KCNMA1: variants seen among roughly 807,000 people sequenced by gnomAD.
The protein encoded by KCNMA1 is Calcium-activated potassium channel subunit alpha-1.
A neutral mutation model predicts 140.0 loss-of-function variants in KCNMA1; 29 were observed. That is an observed-to-expected ratio of 0.21 (90% CI 0.15 to 0.28). The LOEUF (loss-of-function observed/expected upper bound fraction) is 0.28, where lower values mean the gene tolerates loss of function less well. Among genes scored for constraint, KCNMA1 ranks in the 10% least tolerant of loss-of-function variants. The probability of loss-of-function intolerance (pLI) is 1.00; values close to 1 mark genes in which losing one functional copy is unlikely to be tolerated. For missense variants in KCNMA1, 880 were observed against 1,602.2 expected (o/e 0.55, Z 7.70); for synonymous variants, 612 against 611.9 (o/e 1.00, Z 0.00).
chr10:77,396,520 T>C (rs924307164), intron 2 of KCNMA1, among the ~76,000 whole-genome samples: 6 of 152,208 alleles, frequency 3.9e-5, no homozygotes, highest in African/African-American at 1.4e-4. Flanking sequence ...CAGTCTAATT[T>C]CATGCGCAAA....
intron 3 of KCNMA1, among the ~76,000 whole-genome samples, chr10:77,208,280 T>A (rs996974643): frequency 2.0e-5 from 3 of 152,224 alleles, no homozygotes; most frequent in Non-Finnish European, 2.9e-5. Flanking sequence ...AGCACTACTC[T>A]ATTCTAGGGG....
chr10:77,597,750 C>G (rs1323654344), intron 1 of KCNMA1, among the ~76,000 whole-genome samples: 1 of 152,184 alleles, frequency 6.6e-6, no homozygotes, highest in Non-Finnish European at 1.5e-5. Context: ...GCCCCAGGGC[C>G]TTTGCACTTA....
At chr10:77,382,879 AAAAAAAATAT>A (rs1282644904) in intron 2 of KCNMA1, among the ~76,000 whole-genome samples, 1 of 113,328 alleles carries the variant, frequency 8.8e-6, no homozygotes, top group Admixed American at 9.2e-5. Flanking sequence ...AAAAAAAAAA[AAAAAAAATAT>A]ATATATATAT....
At position 77,084,557 on chromosome 10, in the gene KCNMA1, C is replaced by A. The variant is rs2096651518; in HGVS notation, c.1523+80G>T. On this transcript the variant is annotated intron_variant, in intron 12 of 27. Transcript: ENST00000286628. ...GGCAAAAAGGCCTCATAGAGATAGT[C>A]CTCTGCAGAAGATCCAAAAGGGCCG... 3.7e-6 allele frequency: 4 copies of A among 1,077,446 alleles called. No individual in the cohort carries two copies. In the Admixed American group the frequency reaches 7.2e-5, roughly 20 times the overall value. The allele number at this position is 1,077,446 out of a possible 1,614,324, so 66.7% of individuals were successfully genotyped here. A position where few individuals can be genotyped will look rare whatever the true frequency, so the allele number is the denominator to read the frequency against.
chr10:77,412,418 C>A (rs2096640146), intron 1 of KCNMA1, among the ~76,000 whole-genome samples: 1 of 152,212 alleles, frequency 6.6e-6, no homozygotes, highest in South Asian at 2.1e-4. Flanking sequence ...GACCCAGCAG[C>A]CCCACATGCT....
At chr10:77,136,701 G>C (rs1055877770) in intron 5 of KCNMA1, among the ~76,000 whole-genome samples, 1 of 152,058 alleles carries the variant, frequency 6.6e-6, no homozygotes, top group African/African-American at 2.4e-5. Context: ...ATAAAATGAT[G>C]ACAGTGGCCA....
chr10:77,588,352 A>G (rs1311444867), intron 1 of KCNMA1, among the ~76,000 whole-genome samples: 1 of 152,238 alleles, frequency 6.6e-6, no homozygotes, highest in East Asian at 1.9e-4. Flanking sequence ...GACAGAATGC[A>G]GAAAATTCTG....
chr10:77,328,857 T>C (rs2085218792), intron 2 of KCNMA1, among the ~76,000 whole-genome samples: 1 of 152,176 alleles, frequency 6.6e-6, no homozygotes, highest in South Asian at 2.1e-4. Flanking sequence ...TTTTGTTTTT[T>C]TAAGATGGAG....
At chr10:77,382,994 G>GTGTATATATATATATATA (rs1491457588) in intron 2 of KCNMA1, among the ~76,000 whole-genome samples, 5 of 46,434 alleles carry the variant, frequency 1.1e-4, no homozygotes, top group African/African-American at 4.8e-4. Context: ...GTGTGTGTGT[G>GTGTATATATATATATATA]TATATATATA....
At chr10:77,220,839 T>C (rs1304577975) in intron 3 of KCNMA1, among the ~76,000 whole-genome samples, 1 of 152,224 alleles carries the variant, frequency 6.6e-6, no homozygotes, top group African/African-American at 2.4e-5. Context: ...AAACCAGAGC[T>C]TCTGGGGTTC....
At chr10:77,478,771 T>A (rs1360123275) in intron 1 of KCNMA1, among the ~76,000 whole-genome samples, 2 of 152,146 alleles carry the variant, frequency 1.3e-5, no homozygotes, top group African/African-American at 2.4e-5. Context: ...GTAATGTACA[T>A]AACCCTGCAG....
At chr10:76,969,584 G>A (rs1268492525) in intron 20 of KCNMA1, among the ~76,000 whole-genome samples, 1 of 152,262 alleles carries the variant, frequency 6.6e-6, no homozygotes, top group East Asian at 1.9e-4. Flanking sequence ...ACAGTCCTCG[G>A]AGGGACTCCA....
At chr10:76,905,727 C>G (rs2047568219) in intron 25 of KCNMA1, among the ~76,000 whole-genome samples, 1 of 152,232 alleles carries the variant, frequency 6.6e-6, no homozygotes, top group African/African-American at 2.4e-5. Flanking sequence ...CAAGCTATTT[C>G]ATGTTCTTCA....
chr10:77,616,798 T>G (rs765903572), intron 1 of KCNMA1, among the ~76,000 whole-genome samples: 294 of 148,682 alleles, frequency 2.0e-3, no homozygotes, highest in Non-Finnish European at 2.9e-3. Context: ...AGAGTGAAGC[T>G]CCATCTCAAA....
intron 13 of KCNMA1, 54 bp downstream of exon 13, chr10:77,079,427 A>T: frequency 3.1e-6 from 3 of 956,462 alleles, no homozygotes; most frequent in Non-Finnish European, 5.2e-6. Flanking sequence ...GAGGAAGAAG[A>T]GGCTGGACCT....
chr10:77,568,366 C>T (rs1330858387), intron 1 of KCNMA1, among the ~76,000 whole-genome samples: 1 of 152,180 alleles, frequency 6.6e-6, no homozygotes, highest in Admixed American at 6.5e-5. Flanking sequence ...TCCAGCAGCA[C>T]ATCAAAAAGC....
At chr10:77,474,100 T>C (rs2098226592) in intron 1 of KCNMA1, among the ~76,000 whole-genome samples, 1 of 152,156 alleles carries the variant, frequency 6.6e-6, no homozygotes, top group Non-Finnish European at 1.5e-5. Flanking sequence ...CATTCTCCCT[T>C]GATCATTCAC....
At chr10:77,263,802 T>G (rs770317498) in intron 2 of KCNMA1, among the ~76,000 whole-genome samples, 6 of 152,058 alleles carry the variant, frequency 3.9e-5, no homozygotes, top group Non-Finnish European at 8.8e-5. Context: ...CTCCATTTTC[T>G]CCTCTGCAGA....
intron 5 of KCNMA1, chr10:77,140,426 G>C (rs2098138716): frequency 6.6e-6 from 1 of 152,566 alleles, no homozygotes; most frequent in African/African-American, 2.4e-5. Context: ...GACTTCTTGC[G>C]GCGCCTGCCG....
Sources: allele counts gnomAD v4.1 joint callset (sites outside exome capture counted in the v4.1 genomes callset), GRCh38; gene constraint gnomAD v4.1.1; transcripts MANE v1.5; gene names NCBI Gene and HGNC (gene_info 2026-07-23, HGNC 2026-07-21).